Variants in KCNJ15 observed in about 807,000 individuals in gnomAD.
KCNJ15 encodes the protein potassium inwardly rectifying channel subfamily J member 15.
KCNJ15 carries 14 observed loss-of-function variants against 23.0 expected under a neutral mutation model. The ratio of observed to expected loss-of-function variants is 0.61; its 90% CI spans 0.40 to 0.95. The LOEUF (loss-of-function observed/expected upper bound fraction) is 0.95. Ranked by LOEUF, KCNJ15 falls within the 40% of genes least tolerant of loss-of-function variation. KCNJ15 has a pLI of 0.00. For synonymous variants in KCNJ15, 185 were observed against 183.2 expected, an observed-to-expected ratio of 1.01 and a Z score of -0.08; for missense variants, 388 against 461.8, an observed-to-expected ratio of 0.84 and a Z score of 1.46.
upstream of KCNJ15, among the ~76,000 whole-genome samples, chr21:38,255,048 C>A (rs1437589090): frequency 6.6e-6 from 1 of 152,082 alleles, no homozygotes; most frequent in Non-Finnish European, 1.5e-5. Context: ...AAGACAGGTA[C>A]CATTGAGCTC....
intron 1 of KCNJ15, among the ~76,000 whole-genome samples, chr21:38,261,015 A>G (rs1392184668): frequency 6.6e-6 from 1 of 152,140 alleles, no homozygotes; most frequent in Non-Finnish European, 1.5e-5. Flanking sequence ...ATTACAGATA[A>G]CACGAATCCT....
chr21:38,300,252 G>A lies in KCNJ15; in HGVS notation c.991G>A (p.Glu331Lys), dbSNP rs370007114. ...ATATGTGGCTGATTTCAGTCAGTTT[G>A]AACAGATTCGGAAAAGCCCAGATTG... Reference protein sequence around the residue: ...GKYVADFSQFEQIRKSPDCTF... With the variant: ...GKYVADFSQFKQIRKSPDCTF... Residue 331 changes from glutamate to lysine, a missense_variant, in exon 3 of 3, where the codon GAA becomes AAA. By Grantham distance (56) the Glu-to-Lys change is moderately conservative. Transcript: ENST00000398938. The A allele has an allele frequency of 9.3e-6, 15 of 1,614,058 alleles. No individual in the cohort carries two copies. Among genetic ancestry groups the A allele is most frequent in the Non-Finnish European group, 1.3e-5 (15 of 1,180,048 alleles).
At chr21:38,277,941 G>C (rs1982901935) in intron 1 of KCNJ15, among the ~76,000 whole-genome samples, 1 of 152,164 alleles carries the variant, frequency 6.6e-6, no homozygotes, top group Admixed American at 6.5e-5. Flanking sequence ...CAGCAACTGT[G>C]CTACTTAGGG....
At chr21:38,241,750 T>G (rs1033210652) in intron 1 of KCNJ15, among the ~76,000 whole-genome samples, 8 of 152,094 alleles carry the variant, frequency 5.3e-5, no homozygotes, top group African/African-American at 1.9e-4. Context: ...GCGGATTGCT[T>G]GAGCTCAGGA....
At position 38,299,840 on chromosome 21, in the gene KCNJ15, G is replaced by A. The variant is rs1049531424; in HGVS notation, c.579G>A (p.Leu193=). Residue 193 remains leucine (L), a synonymous_variant, in exon 3 of 3, where the codon CTG becomes CTA. Coordinates refer to ENST00000398938, the MANE Select transcript of KCNJ15 (RefSeq NM_170736.3). The surrounding 1 kb of genome is among the most constrained non-coding windows in gnomAD (Gnocchi z 4.5). ...TCATCACCAAGCAGAATGGGAAGCT[G>A]TGCTTGGTGATTCAGGTAGCCAATA... ...CAVITKQNGK[L]CLVIQVANMR... The A allele has an allele frequency of 6.8e-6, 11 of 1,613,962 alleles. No homozygotes were observed. Among genetic ancestry groups the A allele is most frequent in the Non-Finnish European group, 8.5e-6 (10 of 1,180,028 alleles).
chr21:38,293,564 A>G (rs916820721), intron 1 of KCNJ15, among the ~76,000 whole-genome samples: 3 of 152,212 alleles, frequency 2.0e-5, no homozygotes, highest in African/African-American at 7.2e-5. Context: ...CACATCTTCC[A>G]AACACAGGTC....
chr21:38,281,109 G>T (rs1246146811), intron 1 of KCNJ15, among the ~76,000 whole-genome samples: 7 of 152,062 alleles, frequency 4.6e-5, no homozygotes, highest in Admixed American at 2.6e-4. Context: ...ATAATAATTT[G>T]CATTTAAATG....
chr21:38,287,508 A>G (rs1264787331), intron 1 of KCNJ15, among the ~76,000 whole-genome samples: 2 of 152,256 alleles, frequency 1.3e-5, no homozygotes, highest in Non-Finnish European at 2.9e-5. Flanking sequence ...AATAGTACAT[A>G]TGTATCTCTG....
Position 38,305,151 on chromosome 21 carries a change from ACACTT to A in KCNJ15, c.*4773_*4777del, listed in dbSNP as rs1284320912. On this transcript the variant is annotated 3_prime_UTR_variant, in exon 3 of 3. Transcript: ENST00000398938. Reference sequence around the variant, plus strand: ...AAACGTGGCAAAACTAGACCTTCAGACACTTCACTTCACTTAACCCTATGGCCCTC... The same window carrying A: ...AAACGTGGCAAAACTAGACCTTCAGACACTTCACTTAACCCTATGGCCCTC... The A allele has an allele frequency of 7.2e-5, 11 of 152,074 alleles. No homozygotes were observed. The highest frequency in any genetic ancestry group is 1.9e-4 in the African/African-American group (8 of 41,504). 9.4% of individuals were successfully genotyped at this position (152,074 alleles called of 1,614,324 possible).
intron 1 of KCNJ15, chr21:38,238,112 C>G (rs1978737251): frequency 2.8e-6 from 1 of 353,594 alleles, no homozygotes. Flanking sequence ...GCTGAAGTCA[C>G]CTGGTGGCAG....
chr21:38,231,535 C>T (rs966529265), intron 1 of KCNJ15, among the ~76,000 whole-genome samples: 14 of 151,922 alleles, frequency 9.2e-5, no homozygotes, highest in African/African-American at 3.1e-4. Flanking sequence ...TGGGGAAAAG[C>T]ATTCAGTCTT....
In KCNJ15 at chr21:38,283,758, C is replaced by T. The variant is rs73426671; in HGVS notation, c.-116-13168C>T. Among the ~76,000 whole-genome samples the T allele has an allele frequency of 6.7e-3, 1,024 of 152,314 alleles. 17 individuals carry two copies. The highest frequency in any genetic ancestry group is 0.023 in the African/African-American group (967 of 41,568). On this transcript the variant is annotated intron_variant, in intron 1 of 2. Transcript: ENST00000398938. ...AGTTATGCTAGATTACTCTATCGGA[C>T]ACCATGCAGGAAGCTCTTCATTTCT...
At chr21:38,275,241 C>G (rs997602394) in intron 1 of KCNJ15, among the ~76,000 whole-genome samples, 1 of 152,134 alleles carries the variant, frequency 6.6e-6, no homozygotes, top group Non-Finnish European at 1.5e-5. Flanking sequence ...TGCTCTCCTC[C>G]CTCTCCATCT....
In KCNJ15 at chr21:38,243,931, CTT is replaced by C. The variant is rs1979187463; in HGVS notation, c.-398-13113_-398-13112del. ...AATAACCATTTTCTAAAAACGAACT[CTT>C]TGTTTCCACTGTGTTTCTGAGTAAG... On this transcript the variant is annotated intron_variant, in intron 1 of 4. Transcript: ENST00000547341. 4.6e-5 allele frequency among the ~76,000 whole-genome samples: 7 copies of C among 152,288 alleles called. No individual in the cohort carries two copies. In the South Asian group the frequency reaches 1.2e-3, roughly 27 times the overall value.
At chr21:38,236,371 C>G (rs1226193337) in intron 1 of KCNJ15, among the ~76,000 whole-genome samples, 2 of 152,190 alleles carry the variant, frequency 1.3e-5, no homozygotes, top group East Asian at 3.8e-4. Flanking sequence ...CTCTTAATGA[C>G]TTTTTAGAGT....
chr21:38,237,949 AAAC>A (rs3842454), intron 1 of KCNJ15, among the ~76,000 whole-genome samples: 1 of 151,148 alleles, frequency 6.6e-6, no homozygotes, highest in Admixed American at 6.6e-5. Context: ...CACAAGCTAA[AAAC>A]AACAACAAGA....
intron 1 of KCNJ15, among the ~76,000 whole-genome samples, chr21:38,282,251 G>A (rs1477066987): frequency 6.6e-6 from 1 of 152,070 alleles, no homozygotes; most frequent in African/African-American, 2.4e-5. Context: ...GTCCCTGCTT[G>A]GGTTACTGGT....
At chr21:38,243,896 A>G (rs1164758774) in intron 1 of KCNJ15, among the ~76,000 whole-genome samples, 1 of 152,192 alleles carries the variant, frequency 6.6e-6, no homozygotes, top group Non-Finnish European at 1.5e-5. Flanking sequence ...CTAGACGGTT[A>G]TTGTCATAAA....
rs75665360 is a variant in KCNJ15, at chr21:38,299,423, G to C, written c.162G>C (p.Leu54=). 1.2e-6 allele frequency: 2 copies of C among 1,614,190 alleles called. No homozygotes were observed. ...TATACCTACTCTACCTGCAAGACCT[G>C]TGGACCACAGTTATCGACATGAAGT... The part of the protein sequence containing the change: ...DGIYLLYLQD[L]WTTVIDMKWR... Residue 54 remains leucine (L), a synonymous_variant, in exon 3 of 3, where the codon CTG becomes CTC. Transcript: ENST00000398938. This position sits in a 1 kb window ranked among gnomAD's most constrained non-coding sequence, Gnocchi z 4.5.
Sources: allele counts gnomAD v4.1 joint callset (sites outside exome capture counted in the v4.1 genomes callset), GRCh38; gene constraint gnomAD v4.1.1; non-coding constraint Gnocchi (gnomAD v3.1); transcripts MANE v1.5; gene names NCBI Gene and HGNC (gene_info 2026-07-23, HGNC 2026-07-21).